The following KIFAP3 variants were observed in gnomAD, a reference collection of about 807,000 sequenced individuals.
KIFAP3 encodes the protein kinesin-associated protein 3.
KIFAP3 carries 68 observed loss-of-function variants against 106.5 expected under a neutral mutation model. The ratio of observed to expected loss-of-function variants is 0.64; its 90% confidence interval spans 0.53 to 0.78. KIFAP3 has a LOEUF of 0.78. Ranked by LOEUF, KIFAP3 falls within the 30% of genes least tolerant of loss-of-function variation. The pLI, the probability that KIFAP3 is intolerant of heterozygous loss-of-function variation, is 0.00. For missense variants in KIFAP3, 780 were observed against 941.8 expected, an observed-to-expected ratio of 0.83 and a Z score of 2.25; for synonymous variants, 320 against 311.5, an observed-to-expected ratio of 1.03 and a Z score of -0.29.
chr1:170,000,205 C>A (rs1022278613), intron 10 of KIFAP3, among the ~76,000 whole-genome samples: 2 of 152,082 alleles, frequency 1.3e-5, no homozygotes, highest in Non-Finnish European at 2.9e-5. Context: ...TAGATCCAGC[C>A]CAACACTGTG....
chr1:169,987,219 T>C (rs1200897975), intron 11 of KIFAP3, among the ~76,000 whole-genome samples: 2 of 152,088 alleles, frequency 1.3e-5, no homozygotes, highest in African/African-American at 2.4e-5. Flanking sequence ...ACTAGATTTG[T>C]TCTGTTTTAA....
intron 11 of KIFAP3, 63 bp downstream of exon 11, chr1:169,992,092 A>G: frequency 2.8e-6 from 2 of 726,390 alleles, no homozygotes; most frequent in Non-Finnish European, 4.0e-6. Flanking sequence ...ACAAATCAAG[A>G]GAAAAGAGTA....
intron 11 of KIFAP3, 101 bp from the exon 12 acceptor site, chr1:169,984,791 T>C (rs976647724): frequency 2.8e-5 from 17 of 597,964 alleles, no homozygotes; most frequent in Middle Eastern, 2.6e-4. Flanking sequence ...AGATTGTACA[T>C]TGGGCATAAT....
At chr1:170,004,272 C>T (rs888372465) in intron 10 of KIFAP3, among the ~76,000 whole-genome samples, 140 of 152,148 alleles carry the variant, frequency 9.2e-4, no homozygotes, top group Middle Eastern at 6.8e-3. Flanking sequence ...GTGAAAATGG[C>T]CATACTGCCC....
chr1:170,051,972 GA>G (rs1670597253), intron 2 of KIFAP3, among the ~76,000 whole-genome samples: 1 of 151,972 alleles, frequency 6.6e-6, no homozygotes, highest in Non-Finnish European at 1.5e-5. Flanking sequence ...AGAGCCAGCA[GA>G]AGACAAGAAA....
rs1023141773 is a variant in KIFAP3 at position 169,950,264 on chromosome 1, T to C, written c.2273+3747A>G. 1.8e-4 allele frequency among the ~76,000 whole-genome samples: 28 copies of C among 152,290 alleles called. No homozygotes were observed. In the East Asian group the frequency reaches 5.0e-3, roughly 27 times the overall value. On this transcript the variant is annotated intron_variant, in intron 19 of 19. Coordinates refer to ENST00000361580, the MANE Select transcript of KIFAP3 (RefSeq NM_014970.4). The stretch of plus-strand genomic sequence containing the variant: ...TAAGAAAACAGAGAATGAAAAGCCA[T>C]GAGAACTGGCTGAAGAGTATGCCAC...
chr1:169,932,826 T>C (rs532416009), intron 19 of KIFAP3, among the ~76,000 whole-genome samples: 1 of 152,042 alleles, frequency 6.6e-6, no homozygotes, highest in Admixed American at 6.5e-5. Context: ...AGCAGACAAA[T>C]GTTTGTCTTA....
Position 169,963,314 on chromosome 1 carries a change from T to C in KIFAP3, c.1984-2079A>G, listed in dbSNP as rs911653970. Among the ~76,000 whole-genome samples, 3 of 152,350 alleles carry C rather than the reference T, an allele frequency of 2.0e-5. No individual in the cohort carries two copies. In the South Asian group the frequency reaches 6.2e-4, roughly 32 times the overall value. ...TTTTTTATGGCTGTGTAATAGTCCA[T>C]GGTGTATATGTATAACATTTTCTTT... On this transcript the variant is annotated intron_variant, in intron 17 of 19. Coordinates refer to ENST00000361580, the MANE Select transcript of KIFAP3 (RefSeq NM_014970.4).
chr1:169,999,125 T>G (rs1667534379), intron 10 of KIFAP3, among the ~76,000 whole-genome samples: 1 of 152,126 alleles, frequency 6.6e-6, no homozygotes, highest in Non-Finnish European at 1.5e-5. Context: ...CTAAGTAAAA[T>G]AAAGAGCTTA....
intron 15 of KIFAP3, 113 bp downstream of exon 15, chr1:169,981,859 G>A (rs1666540562): frequency 3.6e-6 from 3 of 831,028 alleles, no homozygotes; most frequent in Non-Finnish European, 5.5e-6. Flanking sequence ...AAGTTGCTAT[G>A]AAACAATTAA....
chr1:170,005,172 CA>C (rs1667883687), intron 10 of KIFAP3, among the ~76,000 whole-genome samples: 1 of 151,606 alleles, frequency 6.6e-6, no homozygotes, highest in Non-Finnish European at 1.5e-5. Flanking sequence ...CATCTCACAC[CA>C]GTTAGAATGG....
intron 2 of KIFAP3, among the ~76,000 whole-genome samples, chr1:170,049,406 A>G (rs893514660): frequency 2.0e-5 from 3 of 152,182 alleles, no homozygotes; most frequent in Non-Finnish European, 4.4e-5. Context: ...AGCAGACTTA[A>G]TCTTTCCTGC....
chr1:169,945,369 G>A (rs1664385502), intron 19 of KIFAP3, among the ~76,000 whole-genome samples: 1 of 152,090 alleles, frequency 6.6e-6, no homozygotes, highest in Admixed American at 6.5e-5. Flanking sequence ...CTGTGGCTGG[G>A]CGGCTGCAGC....
intron 1 of KIFAP3, among the ~76,000 whole-genome samples, chr1:170,080,318 A>G (rs551534129): frequency 4.6e-5 from 7 of 152,112 alleles, no homozygotes; most frequent in Admixed American, 1.3e-4. Flanking sequence ...GAATGATTCA[A>G]TATTATTAGA....
At chr1:169,960,845 T>C (rs1665286765) in intron 18 of KIFAP3, among the ~76,000 whole-genome samples, 1 of 140,620 alleles carries the variant, frequency 7.1e-6, no homozygotes, top group Non-Finnish European at 1.5e-5. Flanking sequence ...TTAGGGAGAT[T>C]CCATCAAAGA....
intron 19 of KIFAP3, among the ~76,000 whole-genome samples, chr1:169,930,483 A>G (rs1663402454): frequency 6.6e-6 from 1 of 152,208 alleles, no homozygotes; most frequent in Non-Finnish European, 1.5e-5. Context: ...GGTTCCCTGA[A>G]TTAAGTATAC....
chr1:170,018,006 A>G (rs977674571), intron 9 of KIFAP3, among the ~76,000 whole-genome samples: 5 of 152,240 alleles, frequency 3.3e-5, no homozygotes, highest in African/African-American at 1.2e-4. Context: ...AGGGATCAGC[A>G]AACTATGGCT....
At chr1:169,990,177 T>C (rs1435856419) in intron 11 of KIFAP3, 8 of 1,426,022 alleles carry the variant, frequency 5.6e-6, no homozygotes, top group Non-Finnish European at 6.6e-6. Context: ...TGAGAACACT[T>C]TACAGATGTT....
intron 9 of KIFAP3, among the ~76,000 whole-genome samples, chr1:170,019,798 G>C (rs80181446): frequency 6.6e-6 from 1 of 152,068 alleles, no homozygotes; most frequent in Non-Finnish European, 1.5e-5. Context: ...CCGCTCACAC[G>C]ATTCCTCCTC....
Sources: gnomAD v4.1 joint callset for allele counts (sites outside exome capture counted in the v4.1 genomes callset) on GRCh38, gnomAD v4.1.1 for gene constraint, MANE v1.5 for transcripts, NCBI Gene and HGNC (gene_info 2026-07-23, HGNC 2026-07-21) for gene names.